The following MDGA2 variants were observed in gnomAD, a reference collection of about 807,000 sequenced individuals.
The protein encoded by MDGA2 is MAM domain-containing glycosylphosphatidylinositol anchor protein 2.
In MDGA2, 40 loss-of-function variants were observed where a neutral mutation model predicts 117.8. The observed-to-expected ratio is 0.34, with a 90% CI of 0.26 to 0.44. MDGA2 has a LOEUF of 0.44. MDGA2 is among the 20% of genes least tolerant of loss of function. The pLI, the probability that MDGA2 is intolerant of heterozygous loss-of-function variation, is 1.00. For missense variants in MDGA2, 1,123 were observed against 1,250.6 expected, an observed-to-expected ratio of 0.90 and a Z score of 1.54; for synonymous variants, 452 against 439.0, an observed-to-expected ratio of 1.03 and a Z score of -0.37.
chr14:47,081,168 T>C (rs1890695689), intron 6 of MDGA2, among the ~76,000 whole-genome samples: 1 of 152,118 alleles, frequency 6.6e-6, no homozygotes, highest in Non-Finnish European at 1.5e-5. Context: ...ATAGTATTAC[T>C]TTCTGGTTCT....
intron 1 of MDGA2, among the ~76,000 whole-genome samples, chr14:47,387,826 A>T (rs924404369): frequency 2.0e-5 from 3 of 152,206 alleles, no homozygotes; most frequent in African/African-American, 7.2e-5. Context: ...GACTGAGGAT[A>T]CGTTTACGTG....
chr14:47,417,375 T>C (rs1892495763), intron 1 of MDGA2, among the ~76,000 whole-genome samples: 4 of 152,212 alleles, frequency 2.6e-5, no homozygotes, highest in Non-Finnish European at 5.9e-5. Context: ...TGCCACTTTA[T>C]GACAAGGATC....
chr14:47,432,455 GCTCCTATTTTAT>G (rs1296326182), intron 1 of MDGA2, among the ~76,000 whole-genome samples: 2 of 151,918 alleles, frequency 1.3e-5, no homozygotes, highest in East Asian at 3.9e-4. Context: ...GCACTTTCTG[GCTCCTATTTTAT>G]CTCCATCACA....
chr14:47,183,266 G>A (rs1437824815), intron 3 of MDGA2, among the ~76,000 whole-genome samples: 3 of 151,940 alleles, frequency 2.0e-5, no homozygotes, highest in Admixed American at 1.3e-4. Context: ...GAACCTCTAA[G>A]TATCTCTCCA....
chr14:47,180,574 A>G (rs1030806150), intron 3 of MDGA2, among the ~76,000 whole-genome samples: 2 of 152,194 alleles, frequency 1.3e-5, no homozygotes, highest in Non-Finnish European at 2.9e-5. Context: ...CACACGAAAA[A>G]AAGCTCAACA....
At chr14:46,912,849 A>G (rs1883757500) in intron 10 of MDGA2, among the ~76,000 whole-genome samples, 1 of 152,174 alleles carries the variant, frequency 6.6e-6, no homozygotes, top group Admixed American at 6.5e-5. Context: ...TCTCATAAAC[A>G]CATTGTAAAA....
At chr14:47,667,989 T>C (rs892942749) in intron 1 of MDGA2, among the ~76,000 whole-genome samples, 1 of 152,222 alleles carries the variant, frequency 6.6e-6, no homozygotes, top group South Asian at 2.1e-4. Flanking sequence ...TAATTTCTAA[T>C]GCCTTTCATC....
intron 3 of MDGA2, among the ~76,000 whole-genome samples, chr14:47,205,886 T>C (rs1284257754): frequency 2.0e-5 from 3 of 152,014 alleles, no homozygotes; most frequent in Non-Finnish European, 2.9e-5. Context: ...TTCCCAGCAC[T>C]GAGTCACACA....
chr14:47,441,830 A>G (rs1019663328), intron 1 of MDGA2, among the ~76,000 whole-genome samples: 1 of 152,162 alleles, frequency 6.6e-6, no homozygotes, highest in African/African-American at 2.4e-5. Context: ...ATTAGACCCA[A>G]TATCATGAGG....
chr14:47,343,592 A>T (rs1354206832), intron 1 of MDGA2, among the ~76,000 whole-genome samples: 3 of 152,142 alleles, frequency 2.0e-5, no homozygotes, highest in African/African-American at 7.2e-5. Flanking sequence ...TTCTCTAACA[A>T]AAAGGAAGAC....
At chr14:47,142,958 G>C (rs1295770465) in intron 4 of MDGA2, among the ~76,000 whole-genome samples, 2 of 152,128 alleles carry the variant, frequency 1.3e-5, no homozygotes, top group Non-Finnish European at 2.9e-5. Context: ...TGCAAAACAG[G>C]AATATATATG....
At chr14:47,153,037 G>C (rs1043538188) in intron 3 of MDGA2, among the ~76,000 whole-genome samples, 8 of 152,148 alleles carry the variant, frequency 5.3e-5, no homozygotes, top group Non-Finnish European at 8.8e-5. Flanking sequence ...AAAGACTTCT[G>C]GGTATTGAGG....
intron 1 of MDGA2, among the ~76,000 whole-genome samples, chr14:47,360,628 T>C (rs1486237877): frequency 3.9e-5 from 6 of 152,094 alleles, no homozygotes; most frequent in Admixed American, 3.9e-4. Flanking sequence ...TTGGTGGGAA[T>C]GAAAATTAGT....
chr14:47,312,548 T>C (rs1889668147), intron 1 of MDGA2, among the ~76,000 whole-genome samples: 1 of 152,042 alleles, frequency 6.6e-6, no homozygotes. Context: ...TCCTTTTTGT[T>C]TTTTAAGGCA....
At chr14:47,664,966 G>C (rs1320860275) in intron 1 of MDGA2, among the ~76,000 whole-genome samples, 2 of 152,134 alleles carry the variant, frequency 1.3e-5, no homozygotes, top group African/African-American at 4.8e-5. Context: ...ATATATCTGA[G>C]CAAGTTCCAG....
At chr14:47,026,798 A>G (rs1159659803) in intron 8 of MDGA2, among the ~76,000 whole-genome samples, 1 of 152,108 alleles carries the variant, frequency 6.6e-6, no homozygotes. Context: ...TTTTTCTTAG[A>G]AGAAACTATA....
At chr14:47,128,224 C>G (rs1467063233) in intron 5 of MDGA2, among the ~76,000 whole-genome samples, 1 of 145,050 alleles carries the variant, frequency 6.9e-6, no homozygotes, top group Non-Finnish European at 1.5e-5. Flanking sequence ...CATTATGTGT[C>G]AGATGATAGA....
At chr14:47,496,410 T>C (rs762090094) in intron 1 of MDGA2, among the ~76,000 whole-genome samples, 3 of 152,176 alleles carry the variant, frequency 2.0e-5, no homozygotes, top group Non-Finnish European at 2.9e-5. Context: ...GCCTGGCTAA[T>C]TTTTAAATAT....
chr14:47,302,751 G>C (rs1412024705), intron 1 of MDGA2, among the ~76,000 whole-genome samples: 1 of 152,044 alleles, frequency 6.6e-6, no homozygotes, highest in South Asian at 2.1e-4. Flanking sequence ...AAATAGAATA[G>C]TTTTCAATAT....
Sources: gnomAD v4.1 joint callset for allele counts (sites outside exome capture counted in the v4.1 genomes callset) on GRCh38, gnomAD v4.1.1 for gene constraint, MANE v1.5 for transcripts, NCBI Gene and HGNC (gene_info 2026-07-23, HGNC 2026-07-21) for gene names.